The following PLAC1 variants were observed in gnomAD, a reference collection of about 807,000 sequenced individuals.
PLAC1 encodes the protein placenta associated 1.
For missense variants in PLAC1, 136 were observed against 163.2 expected, an observed-to-expected ratio of 0.83 and a Z score of 0.91; for synonymous variants, 68 against 62.1, an observed-to-expected ratio of 1.09 and a Z score of -0.44.
intron 1 of PLAC1, among the ~76,000 whole-genome samples, chrX:134,615,350 A>C (rs921318763): frequency 2.7e-5 from 3 of 112,159 alleles, no homozygotes; most frequent in Non-Finnish European, 5.6e-5. Flanking sequence ...ACCTTTTCAT[A>C]TACTTGTTGG....
chrX:134,754,758 CT>C (rs760098539), intron 1 of PLAC1, among the ~76,000 whole-genome samples: 250 of 66,135 alleles, frequency 3.8e-3, no homozygotes, highest in African/African-American at 0.014. Context: ...ATTTATTGTT[CT>C]TTTTTTTTTT....
intron 1 of PLAC1, among the ~76,000 whole-genome samples, chrX:134,756,558 T>C (rs2050276516): frequency 9.0e-6 from 1 of 110,803 alleles, no homozygotes; most frequent in African/African-American, 3.3e-5. Context: ...TTATTAAATA[T>C]TACATTTTCG....
At chrX:134,735,930 C>T (rs1375468933) in intron 1 of PLAC1, among the ~76,000 whole-genome samples, 2 of 104,571 alleles carry the variant, frequency 1.9e-5, no homozygotes, top group African/African-American at 7.2e-5. Context: ...AGTTCAGAGC[C>T]CCCAATGTCA....
At chrX:134,686,372 A>G (rs1336357020) in intron 2 of PLAC1, among the ~76,000 whole-genome samples, 1 of 111,894 alleles carries the variant, frequency 8.9e-6, no homozygotes, top group Non-Finnish European at 1.9e-5. Context: ...AGAGGGCAGA[A>G]TTGCTGGTTT....
intron 2 of PLAC1, among the ~76,000 whole-genome samples, chrX:134,590,213 A>AAAT (rs1406437803): frequency 9.1e-6 from 1 of 110,223 alleles, no homozygotes; most frequent in Non-Finnish European, 1.9e-5. Context: ...ATAAATAAAT[A>AAAT]AATAATAAAT....
intron 2 of PLAC1, among the ~76,000 whole-genome samples, chrX:134,579,908 C>T (rs188935354): frequency 9.0e-6 from 1 of 111,701 alleles, no homozygotes; most frequent in African/African-American, 3.3e-5. Flanking sequence ...CCAAACATAG[C>T]TATTTCTCAG....
At chrX:134,649,733 CAT>C (rs747119194) in intron 1 of PLAC1, among the ~76,000 whole-genome samples, 12 of 112,388 alleles carry the variant, frequency 1.1e-4, no homozygotes, top group East Asian at 2.8e-4. Flanking sequence ...CCTAGGCAAA[CAT>C]GTGTTAAATA....
intron 1 of PLAC1, among the ~76,000 whole-genome samples, chrX:134,755,160 GGAGA>G (rs1431140333): frequency 8.9e-6 from 1 of 111,800 alleles, no homozygotes; most frequent in East Asian, 2.8e-4. Context: ...AGAAAAAATA[GGAGA>G]GAGAGTTTGC....
intron 2 of PLAC1, among the ~76,000 whole-genome samples, chrX:134,682,831 C>A (rs1043475614): frequency 1.8e-5 from 2 of 111,641 alleles, no homozygotes; most frequent in Non-Finnish European, 1.9e-5. Context: ...GCTGAGATTA[C>A]AGGCATGAGC....
intron 1 of PLAC1, among the ~76,000 whole-genome samples, chrX:134,644,279 A>G (rs1269581918): frequency 9.0e-6 from 1 of 111,359 alleles, no homozygotes; most frequent in Non-Finnish European, 1.9e-5. Context: ...TGTCTGTCAG[A>G]AAAGAAGTAA....
At chrX:134,679,734 T>C (rs2078487654) in intron 2 of PLAC1, among the ~76,000 whole-genome samples, 1 of 112,235 alleles carries the variant, frequency 8.9e-6, no homozygotes, top group South Asian at 3.7e-4. Flanking sequence ...TTGAATCTGT[T>C]CTATACTGCA....
chrX:134,746,700 C>A (rs773161880), intron 1 of PLAC1, among the ~76,000 whole-genome samples: 1 of 111,773 alleles, frequency 8.9e-6, no homozygotes, highest in South Asian at 3.8e-4. Flanking sequence ...AGTCACAGAT[C>A]TCAGCGTCGA....
chrX:134,677,313 G>A, intron 2 of PLAC1, among the ~76,000 whole-genome samples: 1 of 112,399 alleles, frequency 8.9e-6, no homozygotes, highest in Non-Finnish European at 1.9e-5. Flanking sequence ...CATGAGCCCT[G>A]ATTCAGGAAG....
chrX:134,730,821 A>G (rs2078686829), intron 2 of PLAC1, among the ~76,000 whole-genome samples: 2 of 111,530 alleles, frequency 1.8e-5, no homozygotes, highest in South Asian at 7.7e-4. Context: ...AAGTAAGAGA[A>G]AGGGGGCGAG....
chrX:134,607,085 T>G (rs1302790031), intron 1 of PLAC1: 1 of 112,909 alleles, frequency 8.9e-6, no homozygotes, highest in Non-Finnish European at 1.9e-5. Flanking sequence ...CAGCTGATTT[T>G]GAGTTAATAA....
intron 2 of PLAC1, among the ~76,000 whole-genome samples, chrX:134,690,154 CAAGG>C (rs2078531327): frequency 8.9e-6 from 1 of 112,215 alleles, no homozygotes; most frequent in Non-Finnish European, 1.9e-5. Context: ...ATAATGTCCT[CAAGG>C]TTCATCCATG....
intron 1 of PLAC1, among the ~76,000 whole-genome samples, chrX:134,631,303 A>G (rs1334054689): frequency 8.9e-6 from 1 of 111,887 alleles, no homozygotes; most frequent in Non-Finnish European, 1.9e-5. Context: ...GAATAGTAGG[A>G]GTGGAAAGGT....
At chrX:134,581,759 G>A (rs2077976211) in intron 2 of PLAC1, among the ~76,000 whole-genome samples, 2 of 110,997 alleles carry the variant, frequency 1.8e-5, no homozygotes, top group Admixed American at 1.9e-4. Context: ...GATTACAGGC[G>A]TGAGCCACCG....
upstream of PLAC1, among the ~76,000 whole-genome samples, chrX:134,659,014 A>G (rs2078405441): frequency 9.0e-6 from 1 of 111,163 alleles, no homozygotes; most frequent in Non-Finnish European, 1.9e-5. Flanking sequence ...ATGAGAACAC[A>G]TGGACCCAGG....
Sources: gnomAD v4.1 joint callset for allele counts (sites outside exome capture counted in the v4.1 genomes callset) on GRCh38, gnomAD v4.1.1 for gene constraint, MANE v1.5 for transcripts, NCBI Gene and HGNC (gene_info 2026-07-23, HGNC 2026-07-21) for gene names.